Variants in ADCY5 observed in about 807,000 individuals in gnomAD.
The protein encoded by ADCY5 is adenylate cyclase 5.
A neutral mutation model predicts 119.7 loss-of-function variants in ADCY5; 30 were observed. The observed-to-expected ratio is 0.25, with a 90% CI of 0.19 to 0.34. The LOEUF (loss-of-function observed/expected upper bound fraction) is 0.34. Ranked by LOEUF, ADCY5 falls within the 10% of genes least tolerant of loss-of-function variation. The pLI is 1.00. For synonymous variants in ADCY5, 753 were observed against 762.2 expected (o/e 0.99, Z 0.20); for missense variants, 1,324 against 1,775.2 (o/e 0.75, Z 4.57).
At chr3:123,446,967 G>C (rs1326035259) in intron 1 of ADCY5, among the ~76,000 whole-genome samples, 1 of 152,172 alleles carries the variant, frequency 6.6e-6, no homozygotes, top group Non-Finnish European at 1.5e-5. Context: ...GGGGTGCAGG[G>C]TGTCCCCTCA....
chr3:123,365,353 G>T (rs1405748570), intron 1 of ADCY5, among the ~76,000 whole-genome samples: 1 of 152,184 alleles, frequency 6.6e-6, no homozygotes, highest in Non-Finnish European at 1.5e-5. Context: ...CAGAACTTTG[G>T]GTAGATTAAA....
chr3:123,315,949 A>G (rs1271198346), intron 11 of ADCY5, among the ~76,000 whole-genome samples: 1 of 152,112 alleles, frequency 6.6e-6, no homozygotes, highest in Non-Finnish European at 1.5e-5. Context: ...TTATGCCAAC[A>G]AGGACCCCAG....
intron 3 of ADCY5, among the ~76,000 whole-genome samples, chr3:123,345,769 G>GACACAGACACACACACACACAC (rs1942514556): frequency 9.7e-5 from 11 of 113,834 alleles, no homozygotes; most frequent in African/African-American, 4.3e-4. Flanking sequence ...CAGACAGACA[G>GACACAGACACACACACACACAC]ACACACACAC....
chr3:123,308,210 T>C (rs763862385), intron 12 of ADCY5, among the ~76,000 whole-genome samples: 37 of 151,736 alleles, frequency 2.4e-4, no homozygotes, highest in Non-Finnish European at 4.4e-5. Flanking sequence ...ATTTTGTTTT[T>C]GTATTTTCAG....
Position 123,447,264 on chromosome 3 carries a change from G to C in ADCY5, c.1134+148C>G, listed in dbSNP as rs1337798316. On this transcript the variant is annotated intron_variant, in intron 1 of 20. Coordinates refer to ENST00000462833, the MANE Select transcript of ADCY5 (RefSeq NM_183357.3). ...GCCGCTGGGGCTCAGAGTGGGGTAAGAAGCTCCCAAATAGCCTACATGGCC... is the reference window on the plus strand; with the variant it reads ...GCCGCTGGGGCTCAGAGTGGGGTAACAAGCTCCCAAATAGCCTACATGGCC... 4.4e-6 allele frequency: 4 copies of C among 906,614 alleles called. No homozygotes were observed. The African/African-American group carries it at 6.7e-5, about 15-fold the overall frequency. The allele number at this position is 906,614 out of a possible 1,614,324, so 56.2% of individuals were successfully genotyped here.
chr3:123,380,234 C>CACAA (rs1435398458), intron 1 of ADCY5, among the ~76,000 whole-genome samples: 1 of 152,170 alleles, frequency 6.6e-6, no homozygotes, highest in Non-Finnish European at 1.5e-5. Context: ...GATTATCAAC[C>CACAA]ACAAACGTTT....
At chr3:123,402,119 A>G (rs893723274) in intron 1 of ADCY5, among the ~76,000 whole-genome samples, 3 of 152,126 alleles carry the variant, frequency 2.0e-5, no homozygotes, top group African/African-American at 7.2e-5. Flanking sequence ...CTGGATGGGG[A>G]CCCATGGCCC....
intron 17 of ADCY5, among the ~76,000 whole-genome samples, chr3:123,293,356 A>G (rs1460175224): frequency 6.6e-6 from 1 of 152,232 alleles, no homozygotes; most frequent in Non-Finnish European, 1.5e-5. Flanking sequence ...TCACTTGCCC[A>G]TCCCAAGGGC....
chr3:123,438,755 A>AT (rs1286119991), intron 1 of ADCY5, among the ~76,000 whole-genome samples: 3 of 151,808 alleles, frequency 2.0e-5, no homozygotes, highest in African/African-American at 4.8e-5. Flanking sequence ...TTTCCTTTTT[A>AT]TTTTTTTGAG....
At chr3:123,388,900 C>T (rs1331862935) in intron 1 of ADCY5, among the ~76,000 whole-genome samples, 4 of 152,206 alleles carry the variant, frequency 2.6e-5, no homozygotes, top group South Asian at 2.1e-4. Context: ...AGGAGAGAGA[C>T]GTGAGAGATG....
At chr3:123,424,525 C>A (rs1363171758) in intron 1 of ADCY5, among the ~76,000 whole-genome samples, 3 of 152,222 alleles carry the variant, frequency 2.0e-5, no homozygotes, top group Non-Finnish European at 2.9e-5. Flanking sequence ...AGTCCTCTCA[C>A]ACATGAGCCG....
intron 3 of ADCY5, among the ~76,000 whole-genome samples, chr3:123,338,546 A>G (rs776298846): frequency 1.3e-5 from 2 of 152,228 alleles, no homozygotes; most frequent in Non-Finnish European, 2.9e-5. Flanking sequence ...GCGCTGGCCC[A>G]GACGTGCAGG....
intron 1 of ADCY5, among the ~76,000 whole-genome samples, chr3:123,430,394 A>G (rs1945499525): frequency 6.6e-6 from 1 of 152,020 alleles, no homozygotes; most frequent in South Asian, 2.1e-4. Context: ...CCAGGATGGA[A>G]GCAGAGGCTG....
intron 1 of ADCY5, among the ~76,000 whole-genome samples, chr3:123,385,310 C>T (rs1184800635): frequency 6.6e-6 from 1 of 151,744 alleles, no homozygotes; most frequent in African/African-American, 2.4e-5. Flanking sequence ...CACACACACA[C>T]GCACGCACGA....
intron 8 of ADCY5, among the ~76,000 whole-genome samples, chr3:123,323,516 T>C (rs1941327283): frequency 6.6e-6 from 1 of 151,850 alleles, no homozygotes; most frequent in African/African-American, 2.4e-5. Context: ...CCTGGCCACC[T>C]CTCTGCCTTC....
At chr3:123,308,338 C>A (rs1006829551) in intron 12 of ADCY5, among the ~76,000 whole-genome samples, 2 of 151,764 alleles carry the variant, frequency 1.3e-5, no homozygotes, top group Non-Finnish European at 2.9e-5. Flanking sequence ...CACCCGGCCA[C>A]ACTCTACACT....
intron 16 of ADCY5, chr3:123,296,982 T>A: frequency 1.3e-6 from 2 of 1,535,924 alleles, no homozygotes; most frequent in Non-Finnish European, 1.7e-6. Context: ...GCCCTCGCCT[T>A]TGTTCCTTGA....
chr3:123,306,892 C>A (rs938074740), intron 12 of ADCY5, among the ~76,000 whole-genome samples: 2 of 152,172 alleles, frequency 1.3e-5, no homozygotes, highest in Non-Finnish European at 2.9e-5. Context: ...TATATCCATA[C>A]ACTGGAATAT....
At chr3:123,370,382 A>C (rs1943594622) in intron 1 of ADCY5, among the ~76,000 whole-genome samples, 2 of 152,242 alleles carry the variant, frequency 1.3e-5, no homozygotes, top group South Asian at 4.1e-4. Context: ...CACTGGGCAC[A>C]TGGCTGCCCA....
Sources: gnomAD v4.1 joint callset for allele counts (sites outside exome capture counted in the v4.1 genomes callset) on GRCh38, gnomAD v4.1.1 for gene constraint, MANE v1.5 for transcripts, NCBI Gene and HGNC (gene_info 2026-07-23, HGNC 2026-07-21) for gene names.